The following SPPL3 variants were observed in gnomAD, a reference collection of about 807,000 sequenced individuals.
SPPL3 encodes signal peptide peptidase-like 3.
Under a neutral mutation model 42.4 loss-of-function variants are expected in SPPL3, and 5 were observed. That is an observed-to-expected ratio of 0.12 (90% confidence interval 0.06 to 0.25). The LOEUF (loss-of-function observed/expected upper bound fraction) is 0.25. Among genes scored for constraint, SPPL3 ranks in the 10% least tolerant of loss-of-function variants. The pLI is 1.00. For synonymous variants in SPPL3, 195 were observed against 181.8 expected (o/e 1.07, Z -0.58); for missense variants, 235 against 489.0 (o/e 0.48, Z 4.90).
intron 1 of SPPL3, among the ~76,000 whole-genome samples, chr12:120,856,707 T>C (rs1345210861): frequency 8.6e-5 from 13 of 151,832 alleles, no homozygotes; most frequent in Admixed American, 7.9e-4. Flanking sequence ...CAAAGCTAAG[T>C]GATCAGGTAG....
At chr12:120,900,563 C>T (rs559896285) in intron 1 of SPPL3, among the ~76,000 whole-genome samples, 2 of 147,312 alleles carry the variant, frequency 1.4e-5, no homozygotes, top group East Asian at 4.0e-4. Context: ...CACTGCACTC[C>T]AGCCTGCATG....
At chr12:120,876,808 T>TAC (rs71076677) in intron 1 of SPPL3, among the ~76,000 whole-genome samples, 7,198 of 146,582 alleles carry the variant, frequency 0.049, 207 homozygotes, top group South Asian at 0.11. Context: ...GAGAAACACA[T>TAC]ACACACACAC....
At chr12:120,865,728 A>G (rs753317802) in intron 1 of SPPL3, among the ~76,000 whole-genome samples, 8 of 152,218 alleles carry the variant, frequency 5.3e-5, no homozygotes, top group Non-Finnish European at 1.0e-4. Flanking sequence ...GTGTTTCCCA[A>G]GCTAGCCTGG....
At chr12:120,853,571 A>T (rs1872333923) in intron 1 of SPPL3, among the ~76,000 whole-genome samples, 1 of 152,190 alleles carries the variant, frequency 6.6e-6, no homozygotes, top group Admixed American at 6.5e-5. Context: ...ACACCAAAGC[A>T]CATGGAAAGG....
At chr12:120,897,833 A>C (rs903594413) in intron 1 of SPPL3, among the ~76,000 whole-genome samples, 6 of 152,218 alleles carry the variant, frequency 3.9e-5, no homozygotes, top group Non-Finnish European at 2.9e-5. Flanking sequence ...GGATATGATC[A>C]TACCAGATAC....
chr12:120,876,003 G>A (rs780253914), intron 1 of SPPL3, among the ~76,000 whole-genome samples: 1 of 132,146 alleles, frequency 7.6e-6, no homozygotes, highest in Non-Finnish European at 1.7e-5. Context: ...TTAGTGATTG[G>A]CAAAACAAAC....
chr12:120,897,437 G>A (rs1300079331), intron 1 of SPPL3, among the ~76,000 whole-genome samples: 1 of 152,146 alleles, frequency 6.6e-6, no homozygotes, highest in Non-Finnish European at 1.5e-5. Flanking sequence ...AAAATAATGA[G>A]CAAGGGCCGG....
chr12:120,783,635 A>G (rs780500408), intron 5 of SPPL3, 39 bp downstream of exon 5: 13 of 1,537,798 alleles, frequency 8.5e-6, no homozygotes, highest in Non-Finnish European at 1.2e-5. Context: ...AAAAATATAT[A>G]CAAGTTTATA....
intron 3 of SPPL3, among the ~76,000 whole-genome samples, chr12:120,789,824 C>CAAAAAAAAAAAAAAAAAAAAAA: frequency 3.3e-5 from 1 of 30,464 alleles, no homozygotes; most frequent in African/African-American, 1.1e-4. Flanking sequence ...GACTCCGTCT[C>CAAAAAAAAAAAAAAAAAAAAAA]AAAAAAAAAA....
At chr12:120,876,544 G>A (rs1359788235) in intron 1 of SPPL3, among the ~76,000 whole-genome samples, 2 of 144,572 alleles carry the variant, frequency 1.4e-5, no homozygotes, top group African/African-American at 5.1e-5. Context: ...GTGAACCTGG[G>A]AGGCAGAGCT....
At chr12:120,874,994 T>G (rs535238036) in intron 1 of SPPL3, among the ~76,000 whole-genome samples, 1 of 152,058 alleles carries the variant, frequency 6.6e-6, no homozygotes, top group Non-Finnish European at 1.5e-5. Context: ...CATAAAAAGG[T>G]CATGTGCACG....
Position 120,784,544 on chromosome 12 carries a change from T to C in SPPL3, c.240A>G (p.Ala80=). 2.5e-6 allele frequency: 4 copies of C among 1,613,080 alleles called. No homozygotes were observed. The highest frequency in any genetic ancestry group is 3.4e-6 in the Non-Finnish European group (4 of 1,179,424). The stretch of plus-strand genomic sequence containing the variant: ...AGAACATTACTAAAAGAGAGACAGA[T>C]GCTCCAATTGGAAGGAACAGAGCCT... The part of the protein sequence containing the change: ...STQALFLPIG[A]SVSLLVMFFF... Residue 80 remains alanine (A), a synonymous_variant, in exon 4 of 11, where the codon GCA becomes GCG. Transcript: ENST00000353487.
chr12:120,809,645 T>C (rs370480267), intron 2 of SPPL3, among the ~76,000 whole-genome samples: 4 of 152,272 alleles, frequency 2.6e-5, no homozygotes, highest in African/African-American at 9.6e-5. Context: ...CGACTGAGGA[T>C]AGTGGAAAAA....
intron 2 of SPPL3, among the ~76,000 whole-genome samples, chr12:120,802,583 A>G (rs1870350954): frequency 6.6e-6 from 1 of 151,454 alleles, no homozygotes; most frequent in Non-Finnish European, 1.5e-5. Context: ...ACAGGCATGC[A>G]TCAACACGCC....
chr12:120,785,914 CAAAAAA>C (rs11307959), intron 3 of SPPL3, among the ~76,000 whole-genome samples: 1 of 85,856 alleles, frequency 1.2e-5, no homozygotes, highest in Non-Finnish European at 2.4e-5. Context: ...GAGTCCAAGG[CAAAAAA>C]AAAAAAAAAA....
chr12:120,794,131 T>C (rs1490806740), intron 2 of SPPL3, among the ~76,000 whole-genome samples: 2 of 152,210 alleles, frequency 1.3e-5, no homozygotes, highest in Non-Finnish European at 2.9e-5. Flanking sequence ...ATTGACCCCT[T>C]TGTCATTACA....
chr12:120,843,159 G>C (rs1871889380), intron 1 of SPPL3, among the ~76,000 whole-genome samples: 1 of 152,138 alleles, frequency 6.6e-6, no homozygotes, highest in Admixed American at 6.5e-5. Context: ...TGGGTTCACA[G>C]GTAGGAGGTA....
intron 3 of SPPL3, among the ~76,000 whole-genome samples, chr12:120,785,283 A>G (rs1027555242): frequency 7.4e-4 from 112 of 152,100 alleles, no homozygotes; most frequent in African/African-American, 2.6e-3. Flanking sequence ...TTATGGGAAC[A>G]TTTTAAGGTA....
chr12:120,833,603 G>A (rs1592985922), intron 1 of SPPL3, among the ~76,000 whole-genome samples: 1 of 146,584 alleles, frequency 6.8e-6, no homozygotes, highest in East Asian at 2.0e-4. Flanking sequence ...GCTGAAGTGG[G>A]AGGATCACTT....
Sources: gnomAD v4.1 joint callset for allele counts (sites outside exome capture counted in the v4.1 genomes callset) on GRCh38, gnomAD v4.1.1 for gene constraint, MANE v1.5 for transcripts, NCBI Gene and HGNC (gene_info 2026-07-23, HGNC 2026-07-21) for gene names.